The following CCDC7 variants were observed in gnomAD, a reference collection of about 807,000 sequenced individuals.
CCDC7 encodes the protein coiled-coil domain-containing protein 7.
A neutral mutation model predicts 196.9 loss-of-function variants in CCDC7; 183 were observed. The observed-to-expected ratio is 0.93, with a 90% confidence interval of 0.82 to 1.05. The LOEUF (loss-of-function observed/expected upper bound fraction) is 1.05, where lower values mean the gene tolerates loss of function less well. Among genes scored for constraint, CCDC7 ranks in the 50% least tolerant of loss-of-function variants. The pLI, the probability that CCDC7 is intolerant of heterozygous loss-of-function variation, is 0.00. For missense variants in CCDC7, 1,540 were observed against 1,482.2 expected, an observed-to-expected ratio of 1.04 and a Z score of -0.64; for synonymous variants, 525 against 484.6, an observed-to-expected ratio of 1.08 and a Z score of -1.10.
intron 13 of CCDC7, 110 bp from the exon 15 acceptor site, chr10:32,565,448 C>G: frequency 1.8e-6 from 2 of 1,121,380 alleles, no homozygotes; most frequent in South Asian, 3.4e-5. Context: ...AATGTCTATG[C>G]TCAATTCTTA....
chr10:32,831,298 G>A lies in CCDC7; in HGVS notation c.3269-3517G>A, dbSNP rs536052839. Reference sequence around the variant, plus strand: ...AGTAGAGCTTGCAAGACTGAATGTTGCTCTGGGTGCATCAGTGAGTGAGCA... The same window carrying A: ...AGTAGAGCTTGCAAGACTGAATGTTACTCTGGGTGCATCAGTGAGTGAGCA... On this transcript the variant is annotated intron_variant, in intron 32 of 41. Coordinates refer to ENST00000639629, the Ensembl canonical transcript of CCDC7. Among the ~76,000 whole-genome samples the A allele has an allele frequency of 8.5e-5, 13 of 152,310 alleles. 1 individual carries two copies. The South Asian group carries it at 2.7e-3, about 32-fold the overall frequency.
At chr10:32,727,292 G>T (rs1486351594) in intron 26 of CCDC7, among the ~76,000 whole-genome samples, 1 of 152,148 alleles carries the variant, frequency 6.6e-6, no homozygotes. Context: ...TTGTTGGTTA[G>T]CCCTAGGGCA....
chr10:32,616,349 A>G (rs1417701661), intron 18 of CCDC7, among the ~76,000 whole-genome samples: 1 of 151,892 alleles, frequency 6.6e-6, no homozygotes, highest in Non-Finnish European at 1.5e-5. Flanking sequence ...AGTGTGTTAT[A>G]GTTCTCCTTA....
At chr10:32,870,614 C>T (rs918595813) in intron 41 of CCDC7, among the ~76,000 whole-genome samples, 23 of 152,196 alleles carry the variant, frequency 1.5e-4, no homozygotes, top group Admixed American at 4.6e-4. Context: ...ATTGCCCTGG[C>T]CAGAACTTCC....
intron 21 of CCDC7, among the ~76,000 whole-genome samples, chr10:32,675,147 C>T (rs1225644698): frequency 6.6e-6 from 1 of 151,894 alleles, no homozygotes; most frequent in Non-Finnish European, 1.5e-5. Flanking sequence ...ATTGTTTTCT[C>T]TCTGTTTTAT....
chr10:32,614,250 C>CT (rs142984342), intron 18 of CCDC7, among the ~76,000 whole-genome samples: 2,044 of 138,614 alleles, frequency 0.015, 17 homozygotes, highest in Middle Eastern at 0.032. Flanking sequence ...TTTTTCTTTT[C>CT]TTTTTTTTTT....
exon 39 of CCDC7, chr10:32,848,678 C>T (rs772403905): frequency 1.9e-6 from 3 of 1,553,648 alleles, no homozygotes; most frequent in East Asian, 4.5e-5. Context: ...CAAGTAAATT[C>T]CCAACAAAAG....
At chr10:32,536,639 T>C (rs1295013043) in intron 11 of CCDC7, among the ~76,000 whole-genome samples, 1 of 152,076 alleles carries the variant, frequency 6.6e-6, no homozygotes, top group Admixed American at 6.6e-5. Flanking sequence ...CAGATAGGTA[T>C]TTTTTCTAAT....
At chr10:32,604,052 C>T (rs1319687642) in intron 18 of CCDC7, among the ~76,000 whole-genome samples, 7 of 151,962 alleles carry the variant, frequency 4.6e-5, no homozygotes, top group South Asian at 2.1e-4. Context: ...ATTTCTCCTG[C>T]GTTTTCTTCT....
intron 41 of CCDC7, among the ~76,000 whole-genome samples, chr10:32,872,310 T>G (rs1186308924): frequency 6.6e-6 from 1 of 151,154 alleles, no homozygotes; most frequent in Non-Finnish European, 1.5e-5. Flanking sequence ...TGTAATGGCC[T>G]TCTTTGTCTC....
chr10:32,829,180 A>G (rs1426232777), intron 32 of CCDC7, among the ~76,000 whole-genome samples: 5 of 152,320 alleles, frequency 3.3e-5, no homozygotes, highest in African/African-American at 1.2e-4. Context: ...GATTAAGGTC[A>G]ATGGGAAACT....
At chr10:32,582,975 C>A in intron 16 of CCDC7, 59 bp from the exon 18 acceptor site, 1 of 983,900 alleles carries the variant, frequency 1.0e-6, no homozygotes, top group Non-Finnish European at 1.3e-6. Context: ...AATGATTCTT[C>A]AGTTGCAAAT....
intron 18 of CCDC7, among the ~76,000 whole-genome samples, chr10:32,605,763 A>T (rs1296389693): frequency 6.6e-6 from 1 of 152,252 alleles, no homozygotes; most frequent in Non-Finnish European, 1.5e-5. Flanking sequence ...AGGAGCAAAG[A>T]AATGACTTAA....
At chr10:32,795,735 A>G (rs941002060) in intron 29 of CCDC7, among the ~76,000 whole-genome samples, 2 of 152,062 alleles carry the variant, frequency 1.3e-5, no homozygotes, top group Admixed American at 1.3e-4. Context: ...TGCAATTTCC[A>G]TATTAAATTT....
chr10:32,673,111 A>G (rs2074339128), intron 21 of CCDC7, among the ~76,000 whole-genome samples: 1 of 152,292 alleles, frequency 6.6e-6, no homozygotes, highest in East Asian at 1.9e-4. Context: ...CAATATGTGC[A>G]TAGGGATTAA....
chr10:32,504,208 C>G (rs1316997711), intron 9 of CCDC7, among the ~76,000 whole-genome samples: 2 of 148,560 alleles, frequency 1.3e-5, no homozygotes, highest in Non-Finnish European at 3.0e-5. Flanking sequence ...AGCTCTGCCT[C>G]CCAGGTCATG....
chr10:32,763,410 A>G (rs1183373535), intron 28 of CCDC7, among the ~76,000 whole-genome samples: 4 of 151,924 alleles, frequency 2.6e-5, no homozygotes, highest in Non-Finnish European at 2.9e-5. Context: ...TCAGGTGGTG[A>G]AAAACAATAG....
intron 25 of CCDC7, 25 bp downstream of exon 26, chr10:32,711,755 T>G: frequency 7.5e-7 from 1 of 1,325,506 alleles, no homozygotes; most frequent in Non-Finnish European, 1.0e-6. Context: ...GATAGCTATT[T>G]TATATTATTT....
At chr10:32,767,807 T>C (rs1307284203) in intron 28 of CCDC7, among the ~76,000 whole-genome samples, 2 of 152,158 alleles carry the variant, frequency 1.3e-5, no homozygotes, top group Non-Finnish European at 2.9e-5. Context: ...AATGGAGATA[T>C]GTGACCTCTT....
Sources: allele counts gnomAD v4.1 joint callset (sites outside exome capture counted in the v4.1 genomes callset), GRCh38; gene constraint gnomAD v4.1.1; transcripts MANE v1.5; gene names NCBI Gene and HGNC (gene_info 2026-07-23, HGNC 2026-07-21).